Variants in DLGAP2 observed in about 807,000 individuals in gnomAD.
DLGAP2 encodes the protein disks large-associated protein 2.
DLGAP2 carries 26 observed loss-of-function variants against 100.3 expected under a neutral mutation model. The observed-to-expected ratio is 0.26, with a 90% CI of 0.19 to 0.36. DLGAP2 has a LOEUF of 0.36. DLGAP2 is among the 10% of genes least tolerant of loss of function. The pLI, the probability that DLGAP2 is intolerant of heterozygous loss-of-function variation, is 1.00. For synonymous variants in DLGAP2, 886 were observed against 630.1 expected, an observed-to-expected ratio of 1.41 and a Z score of -6.08; for missense variants, 1,858 against 1,453.2, an observed-to-expected ratio of 1.28 and a Z score of -4.53.
At chr8:1,012,423 A>T (rs910629362) in intron 2 of DLGAP2, among the ~76,000 whole-genome samples, 9 of 152,216 alleles carry the variant, frequency 5.9e-5, no homozygotes, top group African/African-American at 1.7e-4. Context: ...GCGAGCGAGG[A>T]TCTCCAGTAG....
intron 2 of DLGAP2, among the ~76,000 whole-genome samples, chr8:1,166,213 C>G (rs2116664701): frequency 6.6e-6 from 1 of 152,158 alleles, no homozygotes; most frequent in East Asian, 1.9e-4. Context: ...AAACAAATGC[C>G]TGCACCACAT....
intron 2 of DLGAP2, among the ~76,000 whole-genome samples, chr8:1,005,782 A>G (rs939555114): frequency 6.6e-6 from 1 of 151,952 alleles, no homozygotes; most frequent in Non-Finnish European, 1.5e-5. Flanking sequence ...AATCTGGATA[A>G]TCTCTCTTGT....
intron 4 of DLGAP2, among the ~76,000 whole-genome samples, chr8:1,531,020 C>T (rs1307177766): frequency 1.3e-5 from 2 of 152,208 alleles, no homozygotes; most frequent in African/African-American, 2.4e-5. Flanking sequence ...TAACATTCCT[C>T]ACTTTGAAAG....
At chr8:1,032,172 C>T (rs1364581677) in intron 2 of DLGAP2, among the ~76,000 whole-genome samples, 1 of 152,256 alleles carries the variant, frequency 6.6e-6, no homozygotes, top group African/African-American at 2.4e-5. Flanking sequence ...GTTAGCGCAT[C>T]CATCGACGCT....
chr8:898,584 C>T (rs1036923142), intron 1 of DLGAP2, among the ~76,000 whole-genome samples: 6 of 152,138 alleles, frequency 3.9e-5, no homozygotes, highest in Admixed American at 2.0e-4. Context: ...CAGGTTTGGA[C>T]GTGGATTTTG....
intron 2 of DLGAP2, among the ~76,000 whole-genome samples, chr8:1,153,226 A>AG (rs1394423777): frequency 2.6e-5 from 4 of 152,170 alleles, no homozygotes; most frequent in African/African-American, 9.7e-5. Context: ...GTCTGGCCAG[A>AG]GAATCATCAG....
intron 7 of DLGAP2, among the ~76,000 whole-genome samples, chr8:1,632,598 G>C (rs2472086): frequency 2.0e-5 from 3 of 152,206 alleles, no homozygotes; most frequent in African/African-American, 7.2e-5. Flanking sequence ...CGGTCCCCCA[G>C]AATTTCATCA....
At chr8:1,480,165 C>T (rs952805490) in intron 3 of DLGAP2, among the ~76,000 whole-genome samples, 1 of 152,182 alleles carries the variant, frequency 6.6e-6, no homozygotes, top group African/African-American at 2.4e-5. Flanking sequence ...ACCACTGTAC[C>T]GAACATCCCC....
intron 3 of DLGAP2, among the ~76,000 whole-genome samples, chr8:1,353,092 C>A (rs1025694649): frequency 1.3e-5 from 2 of 152,172 alleles, no homozygotes; most frequent in South Asian, 2.1e-4. Flanking sequence ...GAAGGACCCC[C>A]CCGAGGTCAG....
intron 1 of DLGAP2, among the ~76,000 whole-genome samples, chr8:857,234 A>G (rs979595483): frequency 6.6e-6 from 1 of 152,220 alleles, no homozygotes; most frequent in Non-Finnish European, 1.5e-5. Flanking sequence ...GCAAAACTAT[A>G]AAAGTCCTAG....
chr8:851,472 T>C (rs562279448), intron 1 of DLGAP2, among the ~76,000 whole-genome samples: 5 of 152,354 alleles, frequency 3.3e-5, no homozygotes, highest in African/African-American at 1.2e-4. Context: ...TTTAAAATAA[T>C]GTGTTAATAG....
intron 1 of DLGAP2, among the ~76,000 whole-genome samples, chr8:817,885 C>G (rs1796514764): frequency 6.6e-6 from 1 of 152,152 alleles, no homozygotes; most frequent in Non-Finnish European, 1.5e-5. Context: ...ATGAAATGGA[C>G]TCTGTGAGGG....
chr8:766,676 A>G (rs945751089), intron 1 of DLGAP2, among the ~76,000 whole-genome samples: 7 of 152,164 alleles, frequency 4.6e-5, no homozygotes, highest in South Asian at 2.1e-4. Flanking sequence ...GCAGTCTCAC[A>G]GAGGATGGTT....
chr8:958,581 C>CAAAAAAAAAAAAA, intron 2 of DLGAP2, among the ~76,000 whole-genome samples: 1 of 78,048 alleles, frequency 1.3e-5, no homozygotes, highest in Non-Finnish European at 2.6e-5. Context: ...AACTAGACCT[C>CAAAAAAAAAAAAA]CAAAAAAAAA....
rs529817290 is a variant in DLGAP2 at position 1,390,114 on chromosome 8, C to G, written c.107-111252C>G. Reference sequence around the variant, plus strand: ...CACAGGGCCCTGGTGGAGTATCAGGCTTAGAGGAGAAGCTCTTCCAAAAAT... The same window carrying G: ...CACAGGGCCCTGGTGGAGTATCAGGGTTAGAGGAGAAGCTCTTCCAAAAAT... On this transcript the variant is annotated intron_variant, in intron 3 of 14. Transcript: ENST00000637795. Among the ~76,000 whole-genome samples the G allele has an allele frequency of 4.0e-5, 6 of 151,068 alleles. No homozygotes were observed. The South Asian group carries it at 1.3e-3, about 33-fold the overall frequency.
intron 1 of DLGAP2, among the ~76,000 whole-genome samples, chr8:749,816 G>A (rs945793235): frequency 6.6e-6 from 1 of 152,318 alleles, no homozygotes; most frequent in Admixed American, 6.5e-5. Flanking sequence ...GAAGCCTGGA[G>A]CCAAGGTATC....
chr8:858,187 A>C (rs985919158), intron 1 of DLGAP2, among the ~76,000 whole-genome samples: 53 of 152,322 alleles, frequency 3.5e-4, no homozygotes, highest in African/African-American at 1.3e-3. Context: ...CTTGGAAACA[A>C]CCAACGTGCC....
intron 1 of DLGAP2, among the ~76,000 whole-genome samples, chr8:805,939 T>G (rs996718147): frequency 1.3e-5 from 2 of 152,352 alleles, no homozygotes; most frequent in Middle Eastern, 3.4e-3. Context: ...GAAACCACAT[T>G]CTGAATTTCA....
intron 3 of DLGAP2, among the ~76,000 whole-genome samples, chr8:1,337,707 T>C (rs192020546): frequency 2.0e-5 from 3 of 152,320 alleles, no homozygotes; most frequent in African/African-American, 7.2e-5. Context: ...AGACAAACTT[T>C]ATTGACATCT....
Sources: allele counts gnomAD v4.1 joint callset (sites outside exome capture counted in the v4.1 genomes callset), GRCh38; gene constraint gnomAD v4.1.1; transcripts MANE v1.5; gene names NCBI Gene and HGNC (gene_info 2026-07-23, HGNC 2026-07-21).